Variants in AGAP1 observed in about 807,000 individuals in gnomAD.
AGAP1 encodes arf-GAP with GTPase, ANK repeat and PH domain-containing protein 1.
AGAP1 carries 29 observed loss-of-function variants against 105.3 expected under a neutral mutation model. That is an observed-to-expected ratio of 0.28 (90% CI 0.21 to 0.38). The LOEUF (loss-of-function observed/expected upper bound fraction) is 0.38. Among genes scored for constraint, AGAP1 ranks in the 10% least tolerant of loss-of-function variants. The pLI, the probability that AGAP1 is intolerant of heterozygous loss-of-function variation, is 1.00. For missense variants in AGAP1, 998 were observed against 1,165.1 expected, an observed-to-expected ratio of 0.86 and a Z score of 2.09; for synonymous variants, 509 against 485.9, an observed-to-expected ratio of 1.05 and a Z score of -0.63.
chr2:235,898,795 C>T (rs1386051637), intron 10 of AGAP1, among the ~76,000 whole-genome samples: 1 of 152,106 alleles, frequency 6.6e-6, no homozygotes, highest in African/African-American at 2.4e-5. Flanking sequence ...TGACAGGCCC[C>T]CAGTGTGCAA....
At chr2:235,509,510 G>A (rs772787184) in intron 1 of AGAP1, among the ~76,000 whole-genome samples, 2 of 152,108 alleles carry the variant, frequency 1.3e-5, no homozygotes, top group African/African-American at 2.4e-5. Flanking sequence ...TGGGATTACA[G>A]GTGTGAGCCA....
intron 9 of AGAP1, among the ~76,000 whole-genome samples, chr2:235,861,909 T>C (rs540738401): frequency 1.6e-3 from 251 of 152,288 alleles, no homozygotes; most frequent in African/African-American, 5.2e-3. Context: ...AGATGTAACA[T>C]GAGTTAAAAA....
chr2:236,092,938 C>T lies in AGAP1; in HGVS notation c.2115-27254C>T, dbSNP rs1250788980. ...GCCGCAGACAGAAACAGGAGCGGCT[C>T]CAGGCCTCCCACTGGCCAAATCTGG... is the stretch of plus-strand genomic sequence containing the variant. On this transcript the variant is annotated intron_variant, in intron 16 of 17. Coordinates refer to ENST00000304032, the MANE Select transcript of AGAP1 (RefSeq NM_001037131.3). This position sits in a 1 kb window ranked among gnomAD's most constrained non-coding sequence, Gnocchi z 4.7. 6.6e-6 allele frequency among the ~76,000 whole-genome samples: 1 copy of T among 152,166 alleles called. No individual in the cohort carries two copies. Among genetic ancestry groups the T allele is most frequent in the Non-Finnish European group, 1.5e-5 (1 of 68,044 alleles).
Position 235,622,394 on chromosome 2 carries a change from G to A in AGAP1, c.164-86785G>A, listed in dbSNP as rs372175669. 5.3e-5 allele frequency among the ~76,000 whole-genome samples: 8 copies of A among 152,300 alleles called. No individual in the cohort carries two copies. In the East Asian group the frequency reaches 1.4e-3, roughly 26 times the overall value. ...GCTCCCTGAGCTTCTTCACGGCCAC[G>A]CTGCTCTCCTGCATGTCCGCCCATC... On this transcript the variant is annotated intron_variant, in intron 1 of 17. Transcript: ENST00000304032. The surrounding 1 kb of genome is among the most constrained non-coding windows in gnomAD (Gnocchi z 5.0).
At chr2:235,666,057 C>T (rs960993892) in intron 1 of AGAP1, among the ~76,000 whole-genome samples, 2 of 152,154 alleles carry the variant, frequency 1.3e-5, no homozygotes, top group Non-Finnish European at 2.9e-5. Context: ...AAGCCAGCTG[C>T]TGAGGGTGAT....
intron 9 of AGAP1, among the ~76,000 whole-genome samples, chr2:235,869,723 G>A (rs897587591): frequency 3.9e-5 from 6 of 152,226 alleles, no homozygotes; most frequent in East Asian, 1.9e-4. Context: ...GGGCTACAGC[G>A]TCCAAGATCA....
chr2:235,807,425 G>C, intron 9 of AGAP1, 94 bp downstream of exon 9: 2 of 1,112,730 alleles, frequency 1.8e-6, no homozygotes, highest in Middle Eastern at 2.2e-4. Flanking sequence ...AGGTCTGTCT[G>C]ATGTGCTCTG....
At chr2:235,823,506 C>G (rs953412649) in intron 9 of AGAP1, among the ~76,000 whole-genome samples, 1 of 152,162 alleles carries the variant, frequency 6.6e-6, no homozygotes, top group Non-Finnish European at 1.5e-5. Context: ...GTTTTTAAAG[C>G]TAGAAGGGAC....
intron 16 of AGAP1, among the ~76,000 whole-genome samples, chr2:236,086,354 AT>A (rs2058928315): frequency 6.6e-6 from 1 of 152,216 alleles, no homozygotes; most frequent in Non-Finnish European, 1.5e-5. Flanking sequence ...AGTTAAACTG[AT>A]TTATGCTAAA....
chr2:235,515,202 G>C (rs1942329508), intron 1 of AGAP1, among the ~76,000 whole-genome samples: 1 of 152,162 alleles, frequency 6.6e-6, no homozygotes, highest in South Asian at 2.1e-4. Flanking sequence ...GCTGACTCAA[G>C]CAGACATGGA....
Position 235,953,500 on chromosome 2 carries a change from A to AT in AGAP1, c.1484-14955dup, listed in dbSNP as rs1275917251. Among the ~76,000 whole-genome samples the AT allele has an allele frequency of 6.6e-6, 1 of 152,216 alleles. No individual in the cohort carries two copies. The highest frequency in any genetic ancestry group is 2.4e-5 in the African/African-American group (1 of 41,530). On this transcript the variant is annotated intron_variant, in intron 12 of 17. Coordinates refer to ENST00000304032, the MANE Select transcript of AGAP1 (RefSeq NM_001037131.3). The surrounding 1 kb of genome is among the most constrained non-coding windows in gnomAD (Gnocchi z 5.2). ...AAATAGGCAATTAGAAGTATACTGC[A>AT]TTTTTTTCCCTCCAGCATTTCAAAG... is the stretch of plus-strand genomic sequence containing the variant.
Position 236,130,424 on chromosome 2 carries a change from G to A in AGAP1, c.*6302G>A, listed in dbSNP as rs1263839226. On this transcript the variant is annotated 3_prime_UTR_variant, in exon 18 of 18. Coordinates refer to ENST00000304032, the MANE Select transcript of AGAP1 (RefSeq NM_001037131.3). The surrounding 1 kb of genome is among the most constrained non-coding windows in gnomAD (Gnocchi z 5.8). ...AAGAAAGGAACCAAACAAGGCATGA[G>A]TGTGTTGGGGAATCTTCCCAGTGGA... 6.6e-6 allele frequency: 1 copy of A among 152,158 alleles called. No homozygotes were observed. The highest frequency in any genetic ancestry group is 1.5e-5 in the Non-Finnish European group (1 of 68,052). The allele number at this position is 152,158 out of a possible 1,614,324, so 9.4% of individuals were successfully genotyped here.
chr2:235,516,039 C>T (rs1168501430), intron 1 of AGAP1, among the ~76,000 whole-genome samples: 1 of 132,920 alleles, frequency 7.5e-6, no homozygotes, highest in Non-Finnish European at 1.6e-5. Flanking sequence ...GCTCCTGTTC[C>T]TGCCGCATGG....
intron 1 of AGAP1, among the ~76,000 whole-genome samples, chr2:235,606,873 G>A (rs369234216): frequency 5.2e-4 from 78 of 150,802 alleles, no homozygotes; most frequent in African/African-American, 1.6e-3. Flanking sequence ...CGCTTGAGGC[G>A]GAGGCTGCAG....
At chr2:235,528,369 C>G (rs552347704) in intron 1 of AGAP1, among the ~76,000 whole-genome samples, 1 of 150,724 alleles carries the variant, frequency 6.6e-6, no homozygotes, top group Non-Finnish European at 1.5e-5. Context: ...CCCCCGCCCC[C>G]TCCCCTCCCA....
intron 11 of AGAP1, among the ~76,000 whole-genome samples, chr2:235,918,829 A>G (rs1268489518): frequency 6.6e-6 from 1 of 152,008 alleles, no homozygotes; most frequent in Non-Finnish European, 1.5e-5. Flanking sequence ...AGAAGTAAGT[A>G]TTGTACTTCC....
chr2:235,738,258 G>A (rs963102436), intron 3 of AGAP1, among the ~76,000 whole-genome samples: 7 of 152,120 alleles, frequency 4.6e-5, no homozygotes, highest in African/African-American at 1.7e-4. Context: ...AATGGGGCAG[G>A]GATGGTGAGG....
intron 12 of AGAP1, among the ~76,000 whole-genome samples, chr2:235,943,828 C>T (rs1198966418): frequency 1.3e-5 from 2 of 152,174 alleles, no homozygotes; most frequent in East Asian, 3.8e-4. Context: ...CACTGTCCAG[C>T]TTCTCCGTTA....
intron 9 of AGAP1, among the ~76,000 whole-genome samples, chr2:235,825,935 C>T (rs1959037681): frequency 6.6e-6 from 1 of 152,074 alleles, no homozygotes; most frequent in Admixed American, 6.5e-5. Flanking sequence ...GCTGCTTTCA[C>T]ATTGCATGCC....
Sources: gnomAD v4.1 joint callset for allele counts (sites outside exome capture counted in the v4.1 genomes callset) on GRCh38, gnomAD v4.1.1 for gene constraint, Gnocchi (gnomAD v3.1) non-coding constraint, MANE v1.5 for transcripts, NCBI Gene and HGNC (gene_info 2026-07-23, HGNC 2026-07-21) for gene names.